Variants in TMEM135 observed in about 807,000 individuals in gnomAD.
The protein encoded by TMEM135 is peroxisomal membrane protein 52.
Under a neutral mutation model 60.3 loss-of-function variants are expected in TMEM135, and 30 were observed. That is an observed-to-expected ratio of 0.50 (90% CI 0.37 to 0.68). TMEM135 has a LOEUF of 0.68. Ranked by LOEUF, TMEM135 falls within the 30% of genes least tolerant of loss-of-function variation. The probability of loss-of-function intolerance (pLI) is 0.00; values close to 1 mark genes in which losing one functional copy is unlikely to be tolerated. For synonymous variants in TMEM135, 190 were observed against 186.7 expected, an observed-to-expected ratio of 1.02 and a Z score of -0.14; for missense variants, 468 against 548.8, an observed-to-expected ratio of 0.85 and a Z score of 1.47.
At chr11:87,216,681 G>T (rs1363843003) in intron 5 of TMEM135, among the ~76,000 whole-genome samples, 1 of 152,094 alleles carries the variant, frequency 6.6e-6, no homozygotes, top group Non-Finnish European at 1.5e-5. Flanking sequence ...GGACTTGTTG[G>T]CTGAGTTTTG....
chr11:87,272,564 G>C (rs934763219), intron 6 of TMEM135, among the ~76,000 whole-genome samples: 1 of 152,062 alleles, frequency 6.6e-6, no homozygotes, highest in African/African-American at 2.4e-5. Flanking sequence ...AGGCTCAAGT[G>C]AGCTTCCCAC....
intron 5 of TMEM135, among the ~76,000 whole-genome samples, chr11:87,170,646 G>C (rs1939210713): frequency 6.6e-6 from 1 of 152,146 alleles, no homozygotes; most frequent in Non-Finnish European, 1.5e-5. Context: ...ATTGCTGCGT[G>C]TTCCTTCCTC....
chr11:87,122,357 AAAT>A (rs3046714), intron 4 of TMEM135, among the ~76,000 whole-genome samples: 49,239 of 123,784 alleles, frequency 0.4, 8,798 homozygotes, highest in East Asian at 0.62. Context: ...TTAAAACTTT[AAAT>A]ATTTTAAAAC....
At chr11:87,281,857 C>T (rs7128657) in intron 6 of TMEM135, among the ~76,000 whole-genome samples, 6 of 151,998 alleles carry the variant, frequency 3.9e-5, no homozygotes, top group Non-Finnish European at 7.4e-5. Flanking sequence ...TCTCTGTTAC[C>T]CTAAGGTACA....
chr11:87,236,597 CA>C (rs2135373703), intron 5 of TMEM135, 40 bp from the exon 6 acceptor site: 3 of 1,578,568 alleles, frequency 1.9e-6, no homozygotes, highest in Non-Finnish European at 2.6e-6. Context: ...ATGGTGATGT[CA>C]GTGTTCTTTT....
chr11:87,133,532 A>G (rs1251103472), intron 4 of TMEM135, among the ~76,000 whole-genome samples: 1 of 152,178 alleles, frequency 6.6e-6, no homozygotes, highest in Non-Finnish European at 1.5e-5. Flanking sequence ...TCTTTACAAA[A>G]CCAGTTTATT....
At chr11:87,215,353 C>A (rs970365398) in intron 5 of TMEM135, among the ~76,000 whole-genome samples, 26 of 152,174 alleles carry the variant, frequency 1.7e-4, no homozygotes, top group African/African-American at 6.0e-4. Flanking sequence ...GCTCATGATT[C>A]TGTGAGTCAG....
chr11:87,149,505 T>A (rs607616), intron 4 of TMEM135, among the ~76,000 whole-genome samples: 1 of 151,814 alleles, frequency 6.6e-6, no homozygotes, highest in Non-Finnish European at 1.5e-5. Context: ...GCACCTGCTT[T>A]CTTTTAACAC....
At chr11:87,253,202 G>A (rs1420713882) in intron 6 of TMEM135, among the ~76,000 whole-genome samples, 1 of 152,110 alleles carries the variant, frequency 6.6e-6, no homozygotes, top group East Asian at 1.9e-4. Context: ...TTACCTGTCA[G>A]TCTTTGAGGT....
chr11:87,318,371 T>G, intron 13 of TMEM135, 136 bp downstream of exon 13: 1 of 736,632 alleles, frequency 1.4e-6, no homozygotes, highest in Non-Finnish European at 2.2e-6. Context: ...TGTTTTGTTT[T>G]GTTTTTTTTT....
chr11:87,272,164 C>T (rs111722807), intron 6 of TMEM135, among the ~76,000 whole-genome samples: 4,826 of 150,678 alleles, frequency 0.032, 246 homozygotes, highest in African/African-American at 0.11. Context: ...AGCAATTCCC[C>T]TCCCTCAGCC....
chr11:87,249,436 T>C (rs1941365752), intron 6 of TMEM135, among the ~76,000 whole-genome samples: 1 of 152,156 alleles, frequency 6.6e-6, no homozygotes, highest in South Asian at 2.1e-4. Flanking sequence ...GTCTTGTTGA[T>C]CTTTTGTATT....
rs770897413 is a variant in TMEM135, at chr11:87,120,110, C to CTTTTTT, written c.396+28717_396+28718insTTTTTT. ...GAACTTATTAGTCTGTTTTTTTCTT[C>CTTTTTT]TTCTTCTTTTTTTTTTTTTTTTGAG... On this transcript the variant is annotated intron_variant, in intron 4 of 14. Coordinates refer to ENST00000305494, the MANE Select transcript of TMEM135 (RefSeq NM_022918.4). 9.2e-3 allele frequency among the ~76,000 whole-genome samples: 1,197 copies of CTTTTTT among 130,564 alleles called. 36 individuals are homozygous for CTTTTTT. Among genetic ancestry groups the CTTTTTT allele is most frequent in the East Asian group, 0.021 (82 of 3,924 alleles). 85.7% of individuals were successfully genotyped at this position (130,564 alleles called of 152,430 possible). A position where few individuals can be genotyped will look rare whatever the true frequency, so the allele number is the denominator to read the frequency against.
chr11:87,264,715 T>C (rs563639429), intron 6 of TMEM135, among the ~76,000 whole-genome samples: 3 of 152,034 alleles, frequency 2.0e-5, no homozygotes, highest in African/African-American at 7.2e-5. Flanking sequence ...TCATTTAAAT[T>C]CAGTCTTCCA....
chr11:87,237,180 C>T (rs1246835751), intron 6 of TMEM135, among the ~76,000 whole-genome samples: 1 of 151,894 alleles, frequency 6.6e-6, no homozygotes, highest in African/African-American at 2.4e-5. Flanking sequence ...TGACACTGGT[C>T]TCAGGTTTGT....
chr11:87,039,696 G>A (rs1464501492), intron 1 of TMEM135, among the ~76,000 whole-genome samples: 2 of 152,156 alleles, frequency 1.3e-5, no homozygotes, highest in Non-Finnish European at 2.9e-5. Flanking sequence ...ACATTATTGA[G>A]CTCTTGATAT....
intron 6 of TMEM135, among the ~76,000 whole-genome samples, chr11:87,265,763 T>C (rs1941735911): frequency 6.6e-6 from 1 of 152,118 alleles, no homozygotes; most frequent in South Asian, 2.1e-4. Flanking sequence ...TGGTATTTTG[T>C]ATTTCATTTC....
At chr11:87,200,732 A>G (rs1785626949) in intron 5 of TMEM135, among the ~76,000 whole-genome samples, 1 of 147,750 alleles carries the variant, frequency 6.8e-6, no homozygotes, top group Admixed American at 6.8e-5. Context: ...CATACAGAAT[A>G]GTTTCACTGC....
In TMEM135 at chr11:87,185,571, C is replaced by T. The variant is rs140852945; in HGVS notation, c.462+28165C>T. On this transcript the variant is annotated intron_variant, in intron 5 of 14. Coordinates refer to ENST00000305494, the MANE Select transcript of TMEM135 (RefSeq NM_022918.4). Reference sequence around the variant, plus strand: ...TTTTGTGTACTTCCATGAAGAGACACATAATATCTGGTTGGCTTTGTTTGT... The same window carrying T: ...TTTTGTGTACTTCCATGAAGAGACATATAATATCTGGTTGGCTTTGTTTGT... Among the ~76,000 whole-genome samples, 60 of 152,188 alleles carry T rather than the reference C, an allele frequency of 3.9e-4. No homozygotes were observed. In the East Asian group the frequency reaches 0.011, roughly 29 times the overall value.
Sources: gnomAD v4.1 joint callset for allele counts (sites outside exome capture counted in the v4.1 genomes callset) on GRCh38, gnomAD v4.1.1 for gene constraint, MANE v1.5 for transcripts, NCBI Gene and HGNC (gene_info 2026-07-23, HGNC 2026-07-21) for gene names.